The following GRID1 variants were observed in gnomAD, a reference collection of about 807,000 sequenced individuals.
GRID1 encodes the protein glutamate ionotropic receptor delta type subunit 1.
GRID1 carries 28 observed loss-of-function variants against 98.0 expected under a neutral mutation model. The observed-to-expected ratio is 0.29, with a 90% CI of 0.21 to 0.39. The LOEUF is 0.39. Ranked by LOEUF, GRID1 falls within the 10% of genes least tolerant of loss-of-function variation. The pLI, the probability that GRID1 is intolerant of heterozygous loss-of-function variation, is 1.00. For synonymous variants in GRID1, 553 were observed against 538.5 expected, an observed-to-expected ratio of 1.03 and a Z score of -0.37; for missense variants, 1,111 against 1,340.5, an observed-to-expected ratio of 0.83 and a Z score of 2.67.
At chr10:86,007,435 G>C (rs148155424) in intron 4 of GRID1, among the ~76,000 whole-genome samples, 1 of 152,280 alleles carries the variant, frequency 6.6e-6, no homozygotes, top group East Asian at 1.9e-4. Context: ...TTGCCTCAAT[G>C]AGCCTCCAAC....
intron 2 of GRID1, among the ~76,000 whole-genome samples, chr10:86,278,476 TCAAGGAAAC>T (rs1323874442): frequency 6.6e-6 from 1 of 151,724 alleles, no homozygotes; most frequent in Non-Finnish European, 1.5e-5. Flanking sequence ...AATAGGAAAA[TCAAGGAAAC>T]CAAAAGCTGG....
At chr10:86,132,893 G>T (rs1844859708) in intron 4 of GRID1, among the ~76,000 whole-genome samples, 1 of 152,202 alleles carries the variant, frequency 6.6e-6, no homozygotes, top group South Asian at 2.1e-4. Context: ...AGAGGTGTTG[G>T]GAGTGGCCCC....
At chr10:86,328,586 G>A (rs1304431001) in intron 2 of GRID1, among the ~76,000 whole-genome samples, 9 of 152,178 alleles carry the variant, frequency 5.9e-5, no homozygotes, top group African/African-American at 1.4e-4. Flanking sequence ...TCATTTTTCC[G>A]TGATCCTCGC....
At chr10:85,951,355 C>T (rs547584633) in intron 4 of GRID1, among the ~76,000 whole-genome samples, 90 of 152,222 alleles carry the variant, frequency 5.9e-4, no homozygotes, top group South Asian at 5.2e-3. Context: ...TCTAAGCATG[C>T]ACCCTCAGAC....
chr10:86,150,826 CTG>C (rs1845157256), intron 3 of GRID1, among the ~76,000 whole-genome samples: 1 of 152,154 alleles, frequency 6.6e-6, no homozygotes, highest in Admixed American at 6.5e-5. Context: ...GGTGCGCACA[CTG>C]AGAGAAGATG....
chr10:85,660,860 T>C (rs1420527115), intron 12 of GRID1, among the ~76,000 whole-genome samples: 1 of 152,004 alleles, frequency 6.6e-6, no homozygotes. Flanking sequence ...CAGAGTGTGC[T>C]TTCAAATATC....
chr10:86,054,126 A>G (rs1843541817), intron 4 of GRID1, among the ~76,000 whole-genome samples: 1 of 152,164 alleles, frequency 6.6e-6, no homozygotes, highest in Admixed American at 6.5e-5. Context: ...CCTTCTCAGA[A>G]CTCATATAGT....
chr10:86,139,371 C>T lies in GRID1; in HGVS notation c.521-347G>A, dbSNP rs889196803. On this transcript the variant is annotated intron_variant, in intron 3 of 15. Transcript: ENST00000327946. ...CTTCAGGTCACATTTGCTGGCAGTC[C>T]CTGGCCCTAGCATCCCCAGTCCCCT... Among the ~76,000 whole-genome samples, 3 of 152,132 alleles carry T rather than the reference C, an allele frequency of 2.0e-5. No individual in the cohort carries two copies. The South Asian group carries it at 6.2e-4, about 32-fold the overall frequency.
chr10:85,759,010 A>T (rs1204819923), intron 8 of GRID1, among the ~76,000 whole-genome samples: 1 of 152,234 alleles, frequency 6.6e-6, no homozygotes, highest in Non-Finnish European at 1.5e-5. Context: ...TGTTGTGAGG[A>T]TTAAATAAGC....
chr10:86,098,443 A>T (rs1337283339), intron 4 of GRID1, among the ~76,000 whole-genome samples: 1 of 152,178 alleles, frequency 6.6e-6, no homozygotes, highest in African/African-American at 2.4e-5. Context: ...TGCCTTAACC[A>T]CACCCCTAAC....
chr10:85,757,073 G>A (rs1842106600), intron 8 of GRID1, among the ~76,000 whole-genome samples: 1 of 152,270 alleles, frequency 6.6e-6, no homozygotes, highest in Middle Eastern at 3.4e-3. Context: ...GTTAAGCATA[G>A]GATCTAAGGC....
intron 13 of GRID1, among the ~76,000 whole-genome samples, chr10:85,624,756 A>ACAG (rs1276724589): frequency 6.6e-6 from 1 of 152,210 alleles, no homozygotes; most frequent in Non-Finnish European, 1.5e-5. Flanking sequence ...ATACAATAAT[A>ACAG]CAGAACACAA....
chr10:86,021,326 T>C (rs1843046055), intron 4 of GRID1, among the ~76,000 whole-genome samples: 1 of 152,178 alleles, frequency 6.6e-6, no homozygotes, highest in African/African-American at 2.4e-5. Context: ...AATACTATAA[T>C]GTGCTCAACA....
intron 8 of GRID1, among the ~76,000 whole-genome samples, chr10:85,803,509 G>A (rs1842595861): frequency 6.6e-6 from 1 of 151,832 alleles, no homozygotes; most frequent in Non-Finnish European, 1.5e-5. Context: ...TATCAGACAA[G>A]TCTCAATAAC....
intron 4 of GRID1, among the ~76,000 whole-genome samples, chr10:85,950,658 T>A (rs527268763): frequency 1.3e-5 from 2 of 152,286 alleles, no homozygotes; most frequent in East Asian, 3.9e-4. Context: ...TGTCCTCTAA[T>A]TTTAATCAGT....
At chr10:86,134,938 C>G (rs1844898236) in intron 4 of GRID1, among the ~76,000 whole-genome samples, 1 of 152,216 alleles carries the variant, frequency 6.6e-6, no homozygotes, top group African/African-American at 2.4e-5. Context: ...AAGCTGGGAG[C>G]CCTGTGAGAG....
At position 85,916,226 on chromosome 10, in the gene GRID1, T is replaced by A; in HGVS notation, c.740A>T (p.Asn247Ile). Residue 247 changes from asparagine (N) to isoleucine (I), a missense_variant, in exon 5 of 16, where the codon AAC becomes ATC. By Grantham distance (149) the Asn-to-Ile change is moderately radical. Transcript: ENST00000327946. This position sits in a 1 kb window ranked among gnomAD's most constrained non-coding sequence, Gnocchi z 4.0. ...HSFINEAVET[N>I]LASKDSHWVF... ...CCAGTGGCTGTCCTTGGAAGCCAGG[T>A]TGGTCTCCACGGCCTGCAGAGAGAA... 1 of 1,613,424 alleles carries A rather than the reference T, an allele frequency of 6.2e-7. No homozygotes were observed. The highest frequency in any genetic ancestry group is 2.2e-5 in the East Asian group (1 of 44,874).
chr10:86,119,188 A>T (rs534704837), intron 4 of GRID1, among the ~76,000 whole-genome samples: 1 of 152,244 alleles, frequency 6.6e-6, no homozygotes, highest in South Asian at 2.1e-4. Context: ...TACAAAAATT[A>T]TCCGGGCATG....
chr10:85,854,450 TG>T, intron 8 of GRID1, 45 bp downstream of exon 8: 1 of 1,600,052 alleles, frequency 6.2e-7, no homozygotes, highest in Non-Finnish European at 8.6e-7. Context: ...CTGTCTTTGG[TG>T]GCACCATAGC....
Sources: allele counts gnomAD v4.1 joint callset (sites outside exome capture counted in the v4.1 genomes callset), GRCh38; gene constraint gnomAD v4.1.1; non-coding constraint Gnocchi (gnomAD v3.1); transcripts MANE v1.5; gene names NCBI Gene and HGNC (gene_info 2026-07-23, HGNC 2026-07-21).